Variants in TRIM5 observed in about 807,000 individuals in gnomAD.
TRIM5 encodes the protein tripartite motif-containing protein 5.
A neutral mutation model predicts 35.6 loss-of-function variants in TRIM5; 31 were observed. The ratio of observed to expected loss-of-function variants is 0.87; its 90% CI spans 0.65 to 1.18. The LOEUF (loss-of-function observed/expected upper bound fraction) is 1.18, where lower values mean the gene tolerates loss of function less well. Among genes scored for constraint, TRIM5 ranks in the 50% most tolerant of loss-of-function variants. The pLI, the probability that TRIM5 is intolerant of heterozygous loss-of-function variation, is 0.00. For synonymous variants in TRIM5, 243 were observed against 215.6 expected (o/e 1.13, Z -1.11); for missense variants, 609 against 591.6 (o/e 1.03, Z -0.31).
chr11:5,671,970 C>G (rs1851620391), intron 4 of TRIM5, among the ~76,000 whole-genome samples: 1 of 151,912 alleles, frequency 6.6e-6, no homozygotes, highest in Non-Finnish European at 1.5e-5. Context: ...AAAACTAAAG[C>G]AGCAAGAGAA....
chr11:5,643,667 G>C, the TRIM5 span: 13 of 1,612,930 alleles, frequency 8.1e-6, no homozygotes, highest in Non-Finnish European at 1.1e-5. Flanking sequence ...TCAATCCTTG[G>C]AACTGTCCAG....
chr11:5,673,708 T>C (rs1437510307), intron 4 of TRIM5, among the ~76,000 whole-genome samples: 2 of 152,106 alleles, frequency 1.3e-5, no homozygotes, highest in Non-Finnish European at 1.5e-5. Flanking sequence ...TAACAAATGA[T>C]AAAATAAGTT....
Position 5,664,734 on chromosome 11 carries a change from G to T in TRIM5, c.*75C>A. On this transcript the variant is annotated 3_prime_UTR_variant, in exon 8 of 8. Coordinates refer to ENST00000380034, the MANE Select transcript of TRIM5 (RefSeq NM_033034.3). ...GCAAGGAAAAGATGGTTAAAATGAT[G>T]CAAATGAGTTCAGGTGTATGAGATG... is the stretch of plus-strand genomic sequence containing the variant. The T allele has an allele frequency of 6.7e-7, 1 of 1,496,584 alleles. No homozygotes were observed. The allele number at this position is 1,496,584 out of a possible 1,614,324, so 92.7% of individuals were successfully genotyped here. A position where few individuals can be genotyped will look rare whatever the true frequency, so the allele number is the denominator to read the frequency against.
the TRIM5 span, among the ~76,000 whole-genome samples, chr11:5,593,577 G>C: frequency 6.6e-6 from 1 of 152,132 alleles, no homozygotes; most frequent in Non-Finnish European, 1.5e-5. Flanking sequence ...TGTGACCCTT[G>C]TCATGGTCCT....
At chr11:5,655,637 C>T in the TRIM5 span, 6 of 985,216 alleles carry the variant, frequency 6.1e-6, no homozygotes, top group East Asian at 1.1e-4. Context: ...TGCTCCTCAG[C>T]GTCAGTAAGG....
the TRIM5 span, among the ~76,000 whole-genome samples, chr11:5,639,707 A>AAAAAAAAAAAT: frequency 7.1e-6 from 1 of 139,912 alleles, no homozygotes; most frequent in Non-Finnish European, 1.5e-5. Flanking sequence ...AAAAAAAAAA[A>AAAAAAAAAAAT]GATTGGAAGA....
chr11:5,665,692 TA>T lies in TRIM5; in HGVS notation c.869-11del. The T allele has an allele frequency of 6.6e-7, 1 of 1,509,592 alleles. No homozygotes were observed. The highest frequency in any genetic ancestry group is 1.4e-5 in the South Asian group (1 of 69,802). 93.5% of individuals were successfully genotyped at this position (1,509,592 alleles called of 1,614,324 possible). A position where few individuals can be genotyped will look rare whatever the true frequency, so the allele number is the denominator to read the frequency against. Reference sequence around the variant, plus strand: ...CGGACATCTGTCAGCTCTGAAATGATAAAAATGCACAATATTGAATACAAAC... The same window carrying T: ...CGGACATCTGTCAGCTCTGAAATGATAAAATGCACAATATTGAATACAAAC... On this transcript the variant is annotated splice_polypyrimidine_tract_variant and intron_variant, in intron 6 of 7. Coordinates refer to ENST00000380034, the MANE Select transcript of TRIM5 (RefSeq NM_033034.3).
chr11:5,596,531 C>CCCCTTCT, the TRIM5 span: 2 of 24,594 alleles, frequency 8.1e-5, no homozygotes, highest in Non-Finnish European at 2.6e-4. Context: ...TCCCCCCTTC[C>CCCCTTCT]CCCTTCCCCC....
chr11:5,594,435 A>G, the TRIM5 span, among the ~76,000 whole-genome samples: 1 of 152,022 alleles, frequency 6.6e-6, no homozygotes, highest in East Asian at 1.9e-4. Context: ...TCAGCCTCCC[A>G]AGTAATTGGG....
chr11:5,632,299 G>T, the TRIM5 span: 7 of 1,613,768 alleles, frequency 4.3e-6, no homozygotes, highest in East Asian at 4.5e-5. Context: ...AGCCTCAGGA[G>T]TTAGGACCAG....
At chr11:5,618,865 T>G in the TRIM5 span, among the ~76,000 whole-genome samples, 1 of 152,210 alleles carries the variant, frequency 6.6e-6, no homozygotes, top group Non-Finnish European at 1.5e-5. Flanking sequence ...AGGGCAGATT[T>G]GGGAGAGAAA....
At chr11:5,596,983 G>C in the TRIM5 span, 3 of 1,610,906 alleles carry the variant, frequency 1.9e-6, no homozygotes, top group Non-Finnish European at 2.5e-6. Context: ...CAGTGAAAGA[G>C]ATAAGGTCCT....
chr11:5,643,524 G>A, the TRIM5 span: 2 of 1,614,036 alleles, frequency 1.2e-6, no homozygotes, highest in Admixed American at 1.7e-5. Flanking sequence ...CTCCATGGCT[G>A]TGCCTCCCTG....
In TRIM5 at chr11:5,665,226, T is replaced by C; in HGVS notation, c.1065A>G (p.Thr355=). 1 of 1,614,226 alleles carries C rather than the reference T, an allele frequency of 6.2e-7. No homozygotes were observed. Residue 355 remains threonine (T), a synonymous_variant, in exon 8 of 8, where the codon ACA becomes ACG. Transcript: ENST00000380034. ...CTACCTCCCAGTAATGTTTCCCTGA[T>C]GTGATACTTTGAGAGCCCAGGATGC... ...CTGILGSQSI[T]SGKHYWEVDV...
chr11:5,618,955 C>T, the TRIM5 span, among the ~76,000 whole-genome samples: 1 of 152,216 alleles, frequency 6.6e-6, no homozygotes, highest in South Asian at 2.1e-4. Context: ...ATATCACTCA[C>T]ATGAGCAGGC....
At position 5,678,398 on chromosome 11, in the gene TRIM5, C is replaced by T. The variant is rs546533341; in HGVS notation, c.550G>A (p.Asp184Asn). ...IQYDKTNVLA[D>N]FEQLRDILDW... ...AGGATGTCTCTCAGTTGCTCAAAATCTGCCAAGACGTTGGTTTTGTCATAC... is the reference window on the plus strand; with the variant it reads ...AGGATGTCTCTCAGTTGCTCAAAATTTGCCAAGACGTTGGTTTTGTCATAC... The change falls in exon 4 of 8, where the codon GAT becomes AAT. Residue 184 changes from aspartate to asparagine, a missense_variant. Coordinates refer to ENST00000380034, the MANE Select transcript of TRIM5 (RefSeq NM_033034.3). 10 of 1,593,278 alleles carry T rather than the reference C, an allele frequency of 6.3e-6. No homozygotes were observed. Among genetic ancestry groups the T allele is most frequent in the African/African-American group, 1.3e-5 (1 of 74,282 alleles).
At chr11:5,611,340 T>C in the TRIM5 span, 1 of 1,611,002 alleles carries the variant, frequency 6.2e-7, no homozygotes, top group Non-Finnish European at 8.5e-7. Flanking sequence ...TCCAAGCTCT[T>C]GAATATTCTT....
chr11:5,682,395 T>A (rs1852553421), intron 1 of TRIM5, among the ~76,000 whole-genome samples: 2 of 152,174 alleles, frequency 1.3e-5, no homozygotes, highest in Non-Finnish European at 2.9e-5. Context: ...GCAAGGTTAA[T>A]GATTTTTAAG....
At chr11:5,596,851 A>G in the TRIM5 span, 18 of 1,613,434 alleles carry the variant, frequency 1.1e-5, no homozygotes, top group Non-Finnish European at 1.4e-5. Flanking sequence ...AGCTTTGACC[A>G]CCTGATATTG....
Sources: gnomAD v4.1 joint callset for allele counts (sites outside exome capture counted in the v4.1 genomes callset) on GRCh38, gnomAD v4.1.1 for gene constraint, MANE v1.5 for transcripts, NCBI Gene and HGNC (gene_info 2026-07-23, HGNC 2026-07-21) for gene names.